NPRL3: variants seen among roughly 807,000 people sequenced by gnomAD.
The protein encoded by NPRL3 is NPR3 like, GATOR1 complex subunit, also known as GATOR1 complex protein NPRL3.
A neutral mutation model predicts 57.2 loss-of-function variants in NPRL3; 23 were observed. That is an observed-to-expected ratio of 0.40 (90% CI 0.29 to 0.57). The LOEUF is 0.57. NPRL3 is among the 20% of genes least tolerant of loss of function. NPRL3 has a pLI of 0.42. For synonymous variants in NPRL3, 333 were observed against 321.1 expected, an observed-to-expected ratio of 1.04 and a Z score of -0.39; for missense variants, 691 against 767.1, an observed-to-expected ratio of 0.90 and a Z score of 1.17.
rs766958453 is a variant in NPRL3, at chr16:100,434, G to C, written c.705C>G (p.Ile235Met). 1.7e-5 allele frequency: 27 copies of C among 1,606,278 alleles called. No individual in the cohort carries two copies. The highest frequency in any genetic ancestry group is 2.3e-5 in the Non-Finnish European group (27 of 1,177,108). Residue 235 changes from isoleucine to methionine, a missense_variant, in exon 8 of 14, where the codon ATC becomes ATG. Transcript: ENST00000611875. ...LEVSFCLPHK[I>M]HYAASSLIPP... ...GGATCAGACTGGAGGCCGCATAGTGGATCTTGTGGGGCAGGCAGAAGCTCA... is the reference window on the plus strand; with the variant it reads ...GGATCAGACTGGAGGCCGCATAGTGCATCTTGTGGGGCAGGCAGAAGCTCA...
rs147012008 is a variant in NPRL3, at chr16:125,279, T to C, written c.188+5243A>G. Among the ~76,000 whole-genome samples the C allele has an allele frequency of 3.9e-5, 6 of 152,176 alleles. No homozygotes were observed. In the East Asian group the frequency reaches 1.2e-3, roughly 29 times the overall value. On this transcript the variant is annotated intron_variant, in intron 3 of 13. Coordinates refer to ENST00000611875, the MANE Select transcript of NPRL3 (RefSeq NM_001077350.3). The stretch of plus-strand genomic sequence containing the variant: ...CCTCAGGTTGTACAGTATGAAAGCA[T>C]TAAGATGTTTCATGGATTTTCCCAA...
chr16:127,738 T>C (rs1041093785), intron 3 of NPRL3, among the ~76,000 whole-genome samples: 11 of 150,740 alleles, frequency 7.3e-5, no homozygotes, highest in Middle Eastern at 3.4e-3. Flanking sequence ...CACTGCAAGC[T>C]CCGCCTCCCG....
chr16:92,491 A>T, intron 11 of NPRL3, 105 bp downstream of exon 11: 1 of 1,377,194 alleles, frequency 7.3e-7, no homozygotes, highest in Non-Finnish European at 1.0e-6. Flanking sequence ...AAGGAGAAGC[A>T]GGTGGCAGTG....
intron 2 of NPRL3, among the ~76,000 whole-genome samples, chr16:136,810 T>C (rs1201293525): frequency 1.3e-5 from 2 of 151,808 alleles, no homozygotes; most frequent in African/African-American, 4.8e-5. Flanking sequence ...TGGGGGCCAA[T>C]AGTAGGAAAG....
chr16:127,706 G>A (rs916909805), intron 3 of NPRL3, among the ~76,000 whole-genome samples: 2 of 150,180 alleles, frequency 1.3e-5, no homozygotes, highest in Admixed American at 1.3e-4. Context: ...CCAGGCTGGA[G>A]TGCAGTGGCA....
rs1174688982 is a variant in NPRL3, at chr16:92,676, G to T, written c.1081C>A (p.Leu361Met). Residue 361 changes from leucine to methionine, a missense_variant, in exon 11 of 14, where the codon CTG (leucine) becomes ATG (methionine). Physicochemically the swap from Leu to Met is conservative, Grantham distance 15. Transcript: ENST00000611875. ...QFSHQFPSHD[L>M]PSVLAKFSLP... ...GAGAACTTGGCAAGAACGGACGGCAGGTCATGAGATGGGAACTGGTGGGAG... is the reference window on the plus strand; with the variant it reads ...GAGAACTTGGCAAGAACGGACGGCATGTCATGAGATGGGAACTGGTGGGAG... The T allele has an allele frequency of 1.9e-6, 3 of 1,613,882 alleles. No homozygotes were observed. The South Asian group carries it at 3.3e-5, about 18-fold the overall frequency.
chr16:121,947 G>C (rs1169638351), intron 3 of NPRL3, among the ~76,000 whole-genome samples: 1 of 151,238 alleles, frequency 6.6e-6, no homozygotes, highest in East Asian at 2.0e-4. Flanking sequence ...GCTAATTTTT[G>C]TATTTTTAGT....
intron 7 of NPRL3, among the ~76,000 whole-genome samples, chr16:109,373 C>T (rs2141943597): frequency 6.6e-6 from 1 of 152,108 alleles, no homozygotes; most frequent in East Asian, 2.0e-4. Context: ...GTCAGTGTCG[C>T]AAACCCCAAC....
intron 2 of NPRL3, among the ~76,000 whole-genome samples, chr16:134,684 A>AATTATTATT (rs201304972): frequency 3.1e-4 from 37 of 118,700 alleles, no homozygotes; most frequent in African/African-American, 5.5e-4. Flanking sequence ...AAGTCACAGT[A>AATTATTATT]ATTATTATTA....
chr16:86,766 A>G lies in NPRL3; in HGVS notation c.1649T>C (p.Val550Ala). Residue 550 changes from valine to alanine, a missense_variant, in exon 14 of 14, where the codon GTG (valine) becomes GCG (alanine). Coordinates refer to ENST00000611875, the MANE Select transcript of NPRL3 (RefSeq NM_001077350.3). ...GTCCTCGTGGGTGGTCACCACCAGCACGCTGCGGAACTTGTCAAACAGCAT... is the reference window on the plus strand; with the variant it reads ...GTCCTCGTGGGTGGTCACCACCAGCGCGCTGCGGAACTTGTCAAACAGCAT... ...LLMLFDKFRS[V>A]LVVTTHEDPV... is the part of the protein sequence containing the mutation. The G allele has an allele frequency of 6.3e-7, 1 of 1,595,610 alleles. No individual in the cohort carries two copies. Among genetic ancestry groups the G allele is most frequent in the South Asian group, 1.1e-5 (1 of 88,026 alleles).
intron 7 of NPRL3, among the ~76,000 whole-genome samples, chr16:106,018 T>C (rs1245101595): frequency 6.6e-6 from 1 of 152,120 alleles, no homozygotes; most frequent in Admixed American, 6.5e-5. Context: ...TTAATTAAAA[T>C]AGCAACTGGG....
chr16:112,994 G>A (rs528784904), intron 5 of NPRL3, among the ~76,000 whole-genome samples: 1 of 152,320 alleles, frequency 6.6e-6, no homozygotes, highest in South Asian at 2.1e-4. Flanking sequence ...CAGCCCCCAT[G>A]CTCTGTTCTT....
At chr16:99,072 T>A (rs1166332502) in intron 8 of NPRL3, among the ~76,000 whole-genome samples, 1 of 152,126 alleles carries the variant, frequency 6.6e-6, no homozygotes, top group Non-Finnish European at 1.5e-5. Context: ...ATTGAAGACA[T>A]GAATGAATCT....
At chr16:118,994 G>A in intron 4 of NPRL3, 132 bp downstream of exon 4, 1 of 1,380,010 alleles carries the variant, frequency 7.2e-7, no homozygotes, top group Non-Finnish European at 9.9e-7. Context: ...ACCTGCCCAA[G>A]GAGAGCCACA....
intron 7 of NPRL3, among the ~76,000 whole-genome samples, chr16:104,167 C>T (rs1351598006): frequency 6.6e-6 from 1 of 150,730 alleles, no homozygotes; most frequent in African/African-American, 2.4e-5. Context: ...GTGGCAGGTG[C>T]CTGTAATCCC....
intron 3 of NPRL3, among the ~76,000 whole-genome samples, chr16:129,175 G>T (rs899257352): frequency 6.6e-6 from 1 of 151,280 alleles, no homozygotes; most frequent in African/African-American, 2.5e-5. Context: ...GTCTTCAGCA[G>T]CCTGGGCCTC....
chr16:103,899 G>A (rs1257957729), intron 7 of NPRL3, among the ~76,000 whole-genome samples: 1 of 152,194 alleles, frequency 6.6e-6, no homozygotes, highest in Non-Finnish European at 1.5e-5. Flanking sequence ...CAGATCACCT[G>A]AGGTCAGAAG....
chr16:86,677 C>G lies in NPRL3; in HGVS notation c.*28G>C, dbSNP rs1204311383. 6.5e-7 allele frequency: 1 copy of G among 1,536,024 alleles called. No homozygotes were observed. The highest frequency in any genetic ancestry group is 2.5e-5 in the East Asian group (1 of 40,656). ...AGACGCGAGCGCCCACCTGCGCACC[C>G]CAGCAGCCTTCCGCCCTCCGCCTGG... On this transcript the variant is annotated 3_prime_UTR_variant, in exon 14 of 14. Transcript: ENST00000611875.
At chr16:119,472 A>G in intron 3 of NPRL3, 2 of 578,654 alleles carry the variant, frequency 3.5e-6, no homozygotes, top group Non-Finnish European at 6.2e-6. Flanking sequence ...AGGCATGAGA[A>G]GCACAGACTG....
Sources: allele counts gnomAD v4.1 joint callset (sites outside exome capture counted in the v4.1 genomes callset), GRCh38; gene constraint gnomAD v4.1.1; transcripts MANE v1.5; gene names NCBI Gene and HGNC (gene_info 2026-07-23, HGNC 2026-07-21).